The following VWA8 variants were observed in gnomAD, a reference collection of about 807,000 sequenced individuals.
VWA8 encodes the protein von Willebrand factor A domain-containing protein 8.
A neutral mutation model predicts 241.5 loss-of-function variants in VWA8; 221 were observed. The observed-to-expected ratio is 0.91, with a 90% CI of 0.82 to 1.02. VWA8 has a LOEUF of 1.02. Ranked by LOEUF, VWA8 falls within the 50% of genes least tolerant of loss-of-function variation. The pLI is 0.00. For synonymous variants in VWA8, 852 were observed against 827.1 expected, an observed-to-expected ratio of 1.03 and a Z score of -0.52; for missense variants, 2,322 against 2,328.7, an observed-to-expected ratio of 1.00 and a Z score of 0.06.
Position 41,693,036 on chromosome 13 carries a change from G to A in VWA8, c.3565-64C>T, listed in dbSNP as rs565028267. ...TCTTTTTTTTTTTTTTTTTAAAGCA[G>A]CAACCTCTTGGCAACCTGACAGTGA... On this transcript the variant is annotated intron_variant, in intron 29 of 44. Transcript: ENST00000379310. 3.6e-6 allele frequency: 4 copies of A among 1,108,990 alleles called. No individual in the cohort carries two copies. In the African/African-American group the frequency reaches 6.6e-5, roughly 18 times the overall value. The allele number at this position is 1,108,990 out of a possible 1,614,324, so 68.7% of individuals were successfully genotyped here.
In VWA8 at chr13:41,882,412, C is replaced by T. The variant is rs576801436; in HGVS notation, c.1080+975G>A. Among the ~76,000 whole-genome samples the T allele has an allele frequency of 6.1e-3, 932 of 152,300 alleles. 3 individuals carry two copies. The highest frequency in any genetic ancestry group is 0.01 in the Non-Finnish European group (688 of 68,018). On this transcript the variant is annotated intron_variant, in intron 9 of 44. Coordinates refer to ENST00000379310, the MANE Select transcript of VWA8 (RefSeq NM_015058.2). ...CTTCCCAGACGGGGTGGCGGCCAGGCAGAGGCTGCAATCTCGGCACTTTGG... is the reference window on the plus strand; with the variant it reads ...CTTCCCAGACGGGGTGGCGGCCAGGTAGAGGCTGCAATCTCGGCACTTTGG...
chr13:41,897,970 C>T (rs1042209276), intron 4 of VWA8, among the ~76,000 whole-genome samples: 7 of 152,120 alleles, frequency 4.6e-5, no homozygotes, highest in African/African-American at 1.4e-4. Context: ...GTTTACAATC[C>T]CTGAGCTAGA....
Position 41,587,524 on chromosome 13 carries a change from C to G in VWA8, c.5259G>C (p.Glu1753Asp), listed in dbSNP as rs765842905. Residue 1753 changes from glutamate to aspartate, a missense_variant, in exon 42 of 45, where the codon GAG (glutamate) becomes GAC (aspartate). Transcript: ENST00000379310. ...TTCATGTCATTACCTGGAACTTCTCCTCATAGTTCTCGAAGGCTTCCATGA... is the reference window on the plus strand; with the variant it reads ...TTCATGTCATTACCTGGAACTTCTCGTCATAGTTCTCGAAGGCTTCCATGA... ...CMVMEAFENYEEKFQYDIVGH... is the reference protein window; with the variant it reads ...CMVMEAFENYDEKFQYDIVGH... 2 of 1,613,996 alleles carry G rather than the reference C, an allele frequency of 1.2e-6. No homozygotes were observed. Among genetic ancestry groups the G allele is most frequent in the Non-Finnish European group, 1.7e-6 (2 of 1,180,022 alleles).
At chr13:41,739,826 TG>T (rs1377302446) in intron 21 of VWA8, among the ~76,000 whole-genome samples, 29 of 135,872 alleles carry the variant, frequency 2.1e-4, no homozygotes, top group Non-Finnish European at 6.1e-5. Context: ...ATTGTTTTTT[TG>T]TTTTTTTTTT....
chr13:41,866,078 T>C (rs1197957366), intron 10 of VWA8, 42 bp from the exon 11 acceptor site: 1 of 1,603,718 alleles, frequency 6.2e-7, no homozygotes, highest in Admixed American at 1.7e-5. Flanking sequence ...CCAGATGTGG[T>C]GGCTCACGCC....
At chr13:41,722,778 G>C (rs974918937) in intron 24 of VWA8, among the ~76,000 whole-genome samples, 14 of 152,188 alleles carry the variant, frequency 9.2e-5, no homozygotes, top group African/African-American at 2.6e-4. Flanking sequence ...CAGGCAGCTG[G>C]TACAGCTAAT....
intron 37 of VWA8, among the ~76,000 whole-genome samples, chr13:41,650,654 A>G (rs916834459): frequency 3.9e-5 from 6 of 152,242 alleles, no homozygotes; most frequent in African/African-American, 1.4e-4. Flanking sequence ...TTGAAATCTG[A>G]CCAGGTGTCA....
At chr13:41,752,214 A>G (rs772565783) in intron 21 of VWA8, among the ~76,000 whole-genome samples, 1 of 152,140 alleles carries the variant, frequency 6.6e-6, no homozygotes, top group Non-Finnish European at 1.5e-5. Flanking sequence ...CCTGTTTTCA[A>G]TAACCATAAT....
chr13:41,794,971 A>T lies in VWA8; in HGVS notation c.2064-7428T>A, dbSNP rs372738940. On this transcript the variant is annotated intron_variant, in intron 17 of 44. Coordinates refer to ENST00000379310, the MANE Select transcript of VWA8 (RefSeq NM_015058.2). ...CAAAAGAGATCTAATTAAACTAAAGAGCTTCTGCACAGCAAAAGAAACTAT... is the reference window on the plus strand; with the variant it reads ...CAAAAGAGATCTAATTAAACTAAAGTGCTTCTGCACAGCAAAAGAAACTAT... Among the ~76,000 whole-genome samples the T allele has an allele frequency of 1.4e-4, 21 of 152,314 alleles. 1 individual carries two copies. In the East Asian group the frequency reaches 4.0e-3, roughly 29 times the overall value.
intron 37 of VWA8, among the ~76,000 whole-genome samples, chr13:41,665,647 G>C (rs1311293552): frequency 6.6e-6 from 1 of 151,920 alleles, no homozygotes; most frequent in East Asian, 1.9e-4. Context: ...TAGAGTCATT[G>C]ACTGTCAACC....
chr13:41,846,579 A>G (rs952950070), intron 12 of VWA8, among the ~76,000 whole-genome samples: 3 of 152,252 alleles, frequency 2.0e-5, no homozygotes, highest in African/African-American at 4.8e-5. Context: ...TAATATAACA[A>G]TAAGTCTCAG....
At chr13:41,594,723 T>C (rs1166203419) in intron 40 of VWA8, among the ~76,000 whole-genome samples, 1 of 152,236 alleles carries the variant, frequency 6.6e-6, no homozygotes, top group African/African-American at 2.4e-5. Context: ...GGTTTGTTTT[T>C]AACTTTGGTT....
chr13:41,742,141 C>CTGTA (rs2045573877), intron 21 of VWA8, among the ~76,000 whole-genome samples: 1 of 152,144 alleles, frequency 6.6e-6, no homozygotes, highest in South Asian at 2.1e-4. Flanking sequence ...GTCCTCGTTG[C>CTGTA]CATTTTGGAG....
chr13:41,862,755 T>C (rs1873060759), intron 12 of VWA8, among the ~76,000 whole-genome samples: 2 of 152,110 alleles, frequency 1.3e-5, no homozygotes, highest in Admixed American at 1.3e-4. Flanking sequence ...GAATGGCTAT[T>C]ATTAAAAAGT....
rs147680189 is a variant in VWA8 at position 41,829,021 on chromosome 13, C to T, written c.1700+1508G>A. Among the ~76,000 whole-genome samples, 1,279 of 152,136 alleles carry T rather than the reference C, an allele frequency of 8.4e-3. 10 individuals are homozygous for T. The highest frequency in any genetic ancestry group is 0.034 in the South Asian group (166 of 4,812). On this transcript the variant is annotated intron_variant, in intron 14 of 44. Coordinates refer to ENST00000379310, the MANE Select transcript of VWA8 (RefSeq NM_015058.2). ...ACTGATGACCTCCTTGGAGGATGAG[C>T]CCAGTTAATTGTGGGCCCAGCTTTA...
chr13:41,621,890 C>T (rs904823615), intron 37 of VWA8, among the ~76,000 whole-genome samples: 8 of 152,070 alleles, frequency 5.3e-5, no homozygotes, highest in South Asian at 4.1e-4. Context: ...CTTGCCAGGC[C>T]GTCTGCTGGG....
chr13:41,921,221 T>C (rs1876516755), intron 2 of VWA8, among the ~76,000 whole-genome samples: 1 of 152,134 alleles, frequency 6.6e-6, no homozygotes, highest in Non-Finnish European at 1.5e-5. Flanking sequence ...GAAAAGGCCT[T>C]CAACAAAATT....
chr13:41,618,614 C>T (rs2044636732), intron 37 of VWA8, among the ~76,000 whole-genome samples: 3 of 152,144 alleles, frequency 2.0e-5, no homozygotes, highest in African/African-American at 4.8e-5. Flanking sequence ...TTAGGTCTAA[C>T]ATTTAAGTCT....
At chr13:41,795,998 GATTC>G (rs2137954389) in intron 17 of VWA8, among the ~76,000 whole-genome samples, 1 of 152,118 alleles carries the variant, frequency 6.6e-6, no homozygotes, top group African/African-American at 2.4e-5. Flanking sequence ...ATCTAAAAAT[GATTC>G]ATTCTAGGAT....
Sources: gnomAD v4.1 joint callset for allele counts (sites outside exome capture counted in the v4.1 genomes callset) on GRCh38, gnomAD v4.1.1 for gene constraint, MANE v1.5 for transcripts, NCBI Gene and HGNC (gene_info 2026-07-23, HGNC 2026-07-21) for gene names.